The following AFAP1L2 variants were observed in gnomAD, a reference collection of about 807,000 sequenced individuals.
AFAP1L2 encodes the protein actin filament associated protein 1 like 2, also known as actin filament-associated protein 1-like 2.
In AFAP1L2, 46 loss-of-function variants were observed where a neutral mutation model predicts 99.3. That is an observed-to-expected ratio of 0.46 (90% CI 0.37 to 0.59). The LOEUF is 0.59. Among genes scored for constraint, AFAP1L2 ranks in the 20% least tolerant of loss-of-function variants. AFAP1L2 has a pLI of 0.00. For missense variants in AFAP1L2, 959 were observed against 1,034.9 expected, an observed-to-expected ratio of 0.93 and a Z score of 1.01; for synonymous variants, 397 against 419.1, an observed-to-expected ratio of 0.95 and a Z score of 0.64.
chr10:114,404,953 C>G (rs893731899), upstream of AFAP1L2, among the ~76,000 whole-genome samples: 58 of 152,160 alleles, frequency 3.8e-4, no homozygotes, highest in African/African-American at 1.4e-3. Flanking sequence ...TAGAGCTCCT[C>G]GCGCTTGGCT....
At chr10:114,339,379 G>A (rs984688553) in intron 2 of AFAP1L2, among the ~76,000 whole-genome samples, 1 of 152,208 alleles carries the variant, frequency 6.6e-6, no homozygotes, top group Non-Finnish European at 1.5e-5. Context: ...CCCGGAAGGC[G>A]GAGCTTACAG....
intron 10 of AFAP1L2, among the ~76,000 whole-genome samples, chr10:114,305,490 C>CACA (rs2134216380): frequency 1.4e-5 from 1 of 70,836 alleles, no homozygotes; most frequent in South Asian, 5.2e-4. Flanking sequence ...CAGGAGGGGA[C>CACA]GGGGCTGCAG....
chr10:114,350,169 A>AC (rs1369507974), intron 1 of AFAP1L2, among the ~76,000 whole-genome samples: 1 of 152,200 alleles, frequency 6.6e-6, no homozygotes, highest in Non-Finnish European at 1.5e-5. Context: ...GAAAATTCAC[A>AC]CAGTCACAGC....
chr10:114,384,442 C>T (rs1362319431), intron 1 of AFAP1L2, among the ~76,000 whole-genome samples: 1 of 152,092 alleles, frequency 6.6e-6, no homozygotes, highest in Non-Finnish European at 1.5e-5. Context: ...CCGCTGTGAG[C>T]GTAGATGGAG....
intron 1 of AFAP1L2, among the ~76,000 whole-genome samples, chr10:114,354,784 G>A (rs1036917094): frequency 1.3e-5 from 2 of 152,210 alleles, no homozygotes; most frequent in Admixed American, 1.3e-4. Context: ...AAGAGACAAA[G>A]CCCTGACCAC....
intron 15 of AFAP1L2, 38 bp downstream of exon 15, chr10:114,300,156 A>G: frequency 3.7e-6 from 6 of 1,613,784 alleles, no homozygotes; most frequent in East Asian, 2.2e-5. Flanking sequence ...CCTGACTAAT[A>G]CAGATGGAAT....
rs201570129 is a variant in AFAP1L2 at position 114,391,229 on chromosome 10, C to CT, written c.16+13210dup. Among the ~76,000 whole-genome samples, 736 of 150,384 alleles carry CT rather than the reference C, an allele frequency of 4.9e-3. 10 individuals are homozygous for CT. The highest frequency in any genetic ancestry group is 0.017 in the African/African-American group (699 of 40,816). Reference sequence around the variant, plus strand: ...TCCTGTTTCTTTCTTTTCTTTTTTTCTTTTTTTTTAGACAGAGTCTCTTTC... The same window carrying CT: ...TCCTGTTTCTTTCTTTTCTTTTTTTCTTTTTTTTTTAGACAGAGTCTCTTTC... On this transcript the variant is annotated intron_variant, in intron 1 of 18. Coordinates refer to ENST00000304129, the MANE Select transcript of AFAP1L2 (RefSeq NM_001001936.3).
intron 18 of AFAP1L2, chr10:114,296,575 G>A (rs2040265542): frequency 4.5e-6 from 1 of 220,398 alleles, no homozygotes; most frequent in Non-Finnish European, 9.1e-6. Context: ...GGGCAACTTT[G>A]GGCAATTCAA....
At position 114,310,559 on chromosome 10, in the gene AFAP1L2, G is replaced by A; in HGVS notation, c.793-116C>T. 5 of 928,362 alleles carry A rather than the reference G, an allele frequency of 5.4e-6. No individual in the cohort carries two copies. In the South Asian group the frequency reaches 8.9e-5, roughly 17 times the overall value. 57.5% of individuals were successfully genotyped at this position (928,362 alleles called of 1,614,324 possible). On this transcript the variant is annotated intron_variant, in intron 7 of 18. Coordinates refer to ENST00000304129, the MANE Select transcript of AFAP1L2 (RefSeq NM_001001936.3). The stretch of plus-strand genomic sequence containing the variant: ...GAGAGTGGGTGGAGGTGAGAGAGAA[G>A]ATGAATTTCCAAGGAAGAGGACCCA...
intron 3 of AFAP1L2, 76 bp downstream of exon 3, chr10:114,333,144 TG>T: frequency 7.6e-7 from 1 of 1,323,156 alleles, no homozygotes; most frequent in Non-Finnish European, 1.1e-6. Context: ...GAAAGAGAGG[TG>T]GGACAGAACC....
intron 1 of AFAP1L2, among the ~76,000 whole-genome samples, chr10:114,365,138 C>T (rs973305029): frequency 2.0e-5 from 3 of 152,224 alleles, no homozygotes; most frequent in African/African-American, 7.2e-5. Flanking sequence ...CGTTCCTTAG[C>T]AGTCAAGGTC....
the AFAP1L2 span, chr10:114,286,615 G>T: frequency 2.0e-6 from 2 of 1,007,824 alleles, no homozygotes; most frequent in Non-Finnish European, 2.8e-6. Context: ...TCTTCTAGGG[G>T]CTGAAACCAC....
the AFAP1L2 span, chr10:114,286,379 A>T: frequency 6.2e-7 from 1 of 1,613,784 alleles, no homozygotes; most frequent in African/African-American, 1.3e-5. Context: ...GGGTGTAGGC[A>T]GTGAGGCCGT....
intron 4 of AFAP1L2, 38 bp from the exon 5 acceptor site, chr10:114,323,299 T>G (rs910950690): frequency 1.3e-6 from 2 of 1,532,854 alleles, no homozygotes; most frequent in Middle Eastern, 1.7e-4. Flanking sequence ...TTTGCAGATA[T>G]GGTACACTGG....
At chr10:114,310,330 C>T (rs750910223) in intron 8 of AFAP1L2, 24 bp downstream of exon 8, 1 of 1,590,802 alleles carries the variant, frequency 6.3e-7, no homozygotes, top group East Asian at 2.2e-5. Flanking sequence ...GGGGACTCTC[C>T]CTCCAGGCAG....
intron 1 of AFAP1L2, among the ~76,000 whole-genome samples, chr10:114,349,449 T>C (rs1284384460): frequency 6.9e-6 from 1 of 144,284 alleles, no homozygotes; most frequent in Non-Finnish European, 1.5e-5. Flanking sequence ...CTGAGCCAGG[T>C]GTGGTGGCAT....
chr10:114,359,407 T>C (rs1460760427), intron 1 of AFAP1L2, among the ~76,000 whole-genome samples: 2 of 152,232 alleles, frequency 1.3e-5, no homozygotes, highest in Non-Finnish European at 2.9e-5. Context: ...TAAACTTTCC[T>C]TGTACTTCTT....
At chr10:114,363,183 A>G in intron 1 of AFAP1L2, 1 of 985,176 alleles carries the variant, frequency 1.0e-6, no homozygotes, top group Non-Finnish European at 1.2e-6. Context: ...CTGGGAATCA[A>G]GGAGAGGCAA....
chr10:114,300,002 C>A (rs2040859330), intron 15 of AFAP1L2, among the ~76,000 whole-genome samples, 192 bp downstream of exon 15: 1 of 152,240 alleles, frequency 6.6e-6, no homozygotes, highest in Admixed American at 6.5e-5. Flanking sequence ...GGGACTTGGA[C>A]TGATCCACCA....
Sources: gnomAD v4.1 joint callset for allele counts (sites outside exome capture counted in the v4.1 genomes callset) on GRCh38, gnomAD v4.1.1 for gene constraint, MANE v1.5 for transcripts, NCBI Gene and HGNC (gene_info 2026-07-23, HGNC 2026-07-21) for gene names.